The following SCN10A variants were observed in gnomAD, a reference collection of about 807,000 sequenced individuals.
SCN10A encodes sodium voltage-gated channel alpha subunit 10, also known as sodium channel protein type 10 subunit alpha.
A neutral mutation model predicts 170.7 loss-of-function variants in SCN10A; 162 were observed. The observed-to-expected ratio is 0.95, with a 90% CI of 0.84 to 1.08. The LOEUF is 1.08. SCN10A is among the 50% of genes least tolerant of loss of function. The pLI is 0.00. For synonymous variants in SCN10A, 985 were observed against 904.6 expected (o/e 1.09, Z -1.59); for missense variants, 2,527 against 2,436.9 (o/e 1.04, Z -0.78).
At chr3:38,741,923 T>C (rs969085517) in intron 14 of SCN10A, among the ~76,000 whole-genome samples, 8 of 152,176 alleles carry the variant, frequency 5.3e-5, no homozygotes, top group African/African-American at 1.7e-4. Flanking sequence ...CCAAAGATTG[T>C]CTTTAGATAA....
chr3:38,728,980 G>A, intron 15 of SCN10A, 79 bp from the exon 16 acceptor site: 4 of 1,516,772 alleles, frequency 2.6e-6, no homozygotes, highest in Admixed American at 2.2e-5. Flanking sequence ...GGAAACCAAA[G>A]ATCTGGGAAA....
In SCN10A at chr3:38,742,301, A is replaced by G; in HGVS notation, c.2096T>C (p.Ile699Thr). ...MSPTFEAMLQIGNIVFTIFFT... is the reference protein window; with the variant it reads ...MSPTFEAMLQTGNIVFTIFFT... ...AGCCAGAGCACTCACGATGTTGCCTATCTGGAGCATGGCTTCGAAGGTAGG... is the reference window on the plus strand; with the variant it reads ...AGCCAGAGCACTCACGATGTTGCCTGTCTGGAGCATGGCTTCGAAGGTAGG... The change falls in exon 14 of 28, where the codon ATA becomes ACA. Residue 699 changes from isoleucine to threonine, a missense_variant. Physicochemically the swap from Ile to Thr is moderately conservative, Grantham distance 89. Coordinates refer to ENST00000449082, the MANE Select transcript of SCN10A (RefSeq NM_006514.4). The G allele has an allele frequency of 6.2e-7, 1 of 1,612,882 alleles. No homozygotes were observed. Among genetic ancestry groups the G allele is most frequent in the Non-Finnish European group, 8.5e-7 (1 of 1,179,514 alleles).
chr3:38,810,247 A>G (rs2064431511), intron 1 of SCN10A, among the ~76,000 whole-genome samples: 1 of 152,234 alleles, frequency 6.6e-6, no homozygotes, highest in Non-Finnish European at 1.5e-5. Context: ...ATAAAAATTG[A>G]CAGGTAGAAA....
rs570880765 is a variant in SCN10A at position 38,799,209 on chromosome 3, A to G, written c.-32-5167T>C. 1.3e-4 allele frequency among the ~76,000 whole-genome samples: 20 copies of G among 152,260 alleles called. No homozygotes were observed. The East Asian group carries it at 3.7e-3, about 28-fold the overall frequency. ...TGAGTGATGGCAGAACAGATTAGCT[A>G]TAGGGCCAATGCTTTCCTTCCCTCT... On this transcript the variant is annotated intron_variant, in intron 1 of 27. Coordinates refer to ENST00000449082, the MANE Select transcript of SCN10A (RefSeq NM_006514.4).
chr3:38,767,289 GT>G (rs1443226314), intron 5 of SCN10A, among the ~76,000 whole-genome samples: 2 of 151,238 alleles, frequency 1.3e-5, no homozygotes, highest in African/African-American at 4.9e-5. Flanking sequence ...GTTTGGGTCT[GT>G]TTTGTTCTTG....
intron 8 of SCN10A, among the ~76,000 whole-genome samples, chr3:38,759,221 G>A (rs1006558212): frequency 2.6e-5 from 4 of 152,108 alleles, no homozygotes; most frequent in Admixed American, 6.5e-5. Flanking sequence ...GCTTTTCCAA[G>A]CTCTCAGCCA....
At chr3:38,791,842 T>C (rs2064284765) in intron 3 of SCN10A, among the ~76,000 whole-genome samples, 1 of 152,316 alleles carries the variant, frequency 6.6e-6, no homozygotes, top group South Asian at 2.1e-4. Context: ...CACCTGTGTG[T>C]TGCATAAACA....
chr3:38,761,170 C>T (rs998800889), intron 7 of SCN10A, 22 bp downstream of exon 7: 4 of 1,556,996 alleles, frequency 2.6e-6, no homozygotes, highest in East Asian at 2.2e-5. Context: ...ACCTTGGTCC[C>T]TATGGAAGAG....
chr3:38,795,136 C>G (rs2064331076), intron 1 of SCN10A, among the ~76,000 whole-genome samples: 2 of 151,848 alleles, frequency 1.3e-5, no homozygotes, highest in Non-Finnish European at 2.9e-5. Flanking sequence ...CCATCCAGGT[C>G]TTCCCTCCTC....
At chr3:38,719,955 G>A (rs559341841) in intron 20 of SCN10A, among the ~76,000 whole-genome samples, 3 of 152,350 alleles carry the variant, frequency 2.0e-5, no homozygotes, top group African/African-American at 7.2e-5. Flanking sequence ...GGAGGAAACT[G>A]TGTCCACCTT....
At chr3:38,744,479 A>AT in intron 13 of SCN10A, among the ~76,000 whole-genome samples, 1 of 149,698 alleles carries the variant, frequency 6.7e-6, no homozygotes, top group East Asian at 2.0e-4. Flanking sequence ...AATTTTCTTC[A>AT]TTTTTTTATT....
At chr3:38,774,066 GT>G (rs946575000) in intron 4 of SCN10A, among the ~76,000 whole-genome samples, 2 of 152,026 alleles carry the variant, frequency 1.3e-5, no homozygotes, top group African/African-American at 4.8e-5. Flanking sequence ...GAACATATAT[GT>G]CTTAAATAAA....
intron 15 of SCN10A, among the ~76,000 whole-genome samples, chr3:38,736,680 G>C (rs954861833): frequency 2.6e-5 from 4 of 151,982 alleles, no homozygotes; most frequent in African/African-American, 9.7e-5. Flanking sequence ...AATAATATTG[G>C]TGGGCTGTGA....
At position 38,750,140 on chromosome 3, in the gene SCN10A, G is replaced by A. The variant is rs2126021680; in HGVS notation, c.1800C>T (p.Tyr600=). 6.2e-7 allele frequency: 1 copy of A among 1,613,388 alleles called. No individual in the cohort carries two copies. The highest frequency in any genetic ancestry group is 8.5e-7 in the Non-Finnish European group (1 of 1,179,520). ...TTTGGGCCCGGAAAGGTTCATCTAA[G>A]TATTCTGCTGACAAGAAAGTCTTCT... ...GQKKTFLSAE[Y]LDEPFRAQRA... is the part of the protein sequence containing the mutation. The change falls in exon 13 of 28, where the codon TAC becomes TAT. Residue 600 remains tyrosine (Y), a synonymous_variant. Transcript: ENST00000449082.
chr3:38,795,303 C>T (rs1174427979), intron 1 of SCN10A, among the ~76,000 whole-genome samples: 2 of 151,774 alleles, frequency 1.3e-5, no homozygotes, highest in African/African-American at 2.4e-5. Context: ...AGTCAGGGGG[C>T]CCTTCTCAGT....
At chr3:38,727,192 G>T in intron 16 of SCN10A, 140 bp from the exon 17 acceptor site, 1 of 736,388 alleles carries the variant, frequency 1.4e-6, no homozygotes, top group Non-Finnish European at 2.2e-6. Flanking sequence ...CCCTTTTGGG[G>T]GAATGGACTT....
chr3:38,771,133 T>C (rs569111728), intron 5 of SCN10A, 146 bp downstream of exon 5: 1 of 806,950 alleles, frequency 1.2e-6, no homozygotes, highest in East Asian at 2.6e-5. Flanking sequence ...TCCTGGTATA[T>C]TCCTGCAGTG....
At chr3:38,725,457 G>A (rs1253591734) in intron 17 of SCN10A, 143 bp from the exon 18 acceptor site, 18 of 578,708 alleles carry the variant, frequency 3.1e-5, no homozygotes, top group Admixed American at 7.4e-5. Flanking sequence ...ATACATACAC[G>A]TGTGTGAAGT....
intron 16 of SCN10A, among the ~76,000 whole-genome samples, chr3:38,727,357 C>A (rs2063469303): frequency 6.6e-6 from 1 of 152,216 alleles, no homozygotes; most frequent in Admixed American, 6.5e-5. Context: ...GCCCTTCCTG[C>A]AACCACCCTC....
Sources: gnomAD v4.1 joint callset for allele counts (sites outside exome capture counted in the v4.1 genomes callset) on GRCh38, gnomAD v4.1.1 for gene constraint, MANE v1.5 for transcripts, NCBI Gene and HGNC (gene_info 2026-07-23, HGNC 2026-07-21) for gene names.